The following WWOX variants were observed in gnomAD, a reference collection of about 807,000 sequenced individuals.
WWOX encodes WW domain-containing oxidoreductase.
Under a neutral mutation model 46.2 loss-of-function variants are expected in WWOX, and 69 were observed. That is an observed-to-expected ratio of 1.49 (90% confidence interval 1.23 to 1.82). The LOEUF (loss-of-function observed/expected upper bound fraction) is 1.82. WWOX is among the 40% of genes most tolerant of loss of function. The probability of loss-of-function intolerance (pLI) is 0.00; values close to 1 mark genes in which losing one functional copy is unlikely to be tolerated. For missense variants in WWOX, 919 were observed against 542.6 expected (o/e 1.69, Z -6.89); for synonymous variants, 359 against 202.6 (o/e 1.77, Z -6.56).
chr16:78,135,930 A>G (rs1228817148), intron 4 of WWOX, among the ~76,000 whole-genome samples: 2 of 152,176 alleles, frequency 1.3e-5, no homozygotes, highest in Non-Finnish European at 2.9e-5. Context: ...TGATTGTTTT[A>G]TAGATGCCTG....
chr16:78,413,709 T>C (rs75232857), intron 6 of WWOX, among the ~76,000 whole-genome samples: 8,328 of 151,710 alleles, frequency 0.055, 729 homozygotes, highest in African/African-American at 0.19. Flanking sequence ...TGACACTGAT[T>C]TGTTGGCTTG....
rs528278321 is a variant in WWOX, at chr16:78,765,862, G to C, written c.1056+333110G>C. Among the ~76,000 whole-genome samples, 17 of 152,342 alleles carry C rather than the reference G, an allele frequency of 1.1e-4. No individual in the cohort carries two copies. In the South Asian group the frequency reaches 2.5e-3, roughly 22 times the overall value. ...GGAGCCTAAGGGAACAGAGAGGACA[G>C]AGTGGGTGGCACAGGCATTGCGGAG... is the stretch of plus-strand genomic sequence containing the variant. On this transcript the variant is annotated intron_variant, in intron 8 of 8. Transcript: ENST00000566780.
At chr16:78,589,459 T>A (rs1424986484) in intron 8 of WWOX, among the ~76,000 whole-genome samples, 1 of 152,208 alleles carries the variant, frequency 6.6e-6, no homozygotes, top group Non-Finnish European at 1.5e-5. Flanking sequence ...TTTATGTGGC[T>A]GGCAGTTCTG....
intron 8 of WWOX, among the ~76,000 whole-genome samples, chr16:78,672,458 C>T (rs533673497): frequency 6.6e-6 from 1 of 152,250 alleles, no homozygotes; most frequent in South Asian, 2.1e-4. Flanking sequence ...GTGTGCACTC[C>T]TCATGTTCCG....
chr16:78,963,125 C>G lies in WWOX; in HGVS notation c.1057-248483C>G, dbSNP rs1230739527. 2.6e-5 allele frequency among the ~76,000 whole-genome samples: 4 copies of G among 152,128 alleles called. No homozygotes were observed. In the South Asian group the frequency reaches 6.2e-4, roughly 24 times the overall value. The stretch of plus-strand genomic sequence containing the variant: ...CATTTCCCTCTATTTGCATCTCTAT[C>G]CATTTACCATTCCTCTTGTCTATCC... On this transcript the variant is annotated intron_variant, in intron 8 of 8. Transcript: ENST00000566780.
At chr16:78,578,269 TA>T (rs2044946537) in intron 8 of WWOX, among the ~76,000 whole-genome samples, 2 of 30,062 alleles carry the variant, frequency 6.7e-5, no homozygotes, top group African/African-American at 1.1e-4. Flanking sequence ...TATATATATA[TA>T]TATATATATA....
chr16:78,574,880 A>G (rs2044810792), intron 8 of WWOX, among the ~76,000 whole-genome samples: 1 of 148,850 alleles, frequency 6.7e-6, no homozygotes, highest in African/African-American at 2.5e-5. Flanking sequence ...GATCTAATGT[A>G]CAGCATGAGT....
At position 78,499,955 on chromosome 16, in the gene WWOX, G is replaced by C. The variant is rs114585260; in HGVS notation, c.1056+67203G>C. Reference sequence around the variant, plus strand: ...AGTACCAAATGGTCCTTACCGTTCTGAGGCCTCACTGAGACTCATTTTGAA... The same window carrying C: ...AGTACCAAATGGTCCTTACCGTTCTCAGGCCTCACTGAGACTCATTTTGAA... On this transcript the variant is annotated intron_variant, in intron 8 of 8. Coordinates refer to ENST00000566780, the MANE Select transcript of WWOX (RefSeq NM_016373.4). Among the ~76,000 whole-genome samples the C allele has an allele frequency of 4.0e-3, 604 of 152,268 alleles. 2 individuals carry two copies. The highest frequency in any genetic ancestry group is 0.014 in the African/African-American group (589 of 41,540).
At chr16:78,402,565 C>A (rs760688196) in intron 6 of WWOX, among the ~76,000 whole-genome samples, 1 of 152,234 alleles carries the variant, frequency 6.6e-6, no homozygotes, top group South Asian at 2.1e-4. Flanking sequence ...TCAACACCAA[C>A]CCCCTTTCTG....
intron 8 of WWOX, among the ~76,000 whole-genome samples, chr16:78,712,981 A>G (rs141191052): frequency 8.2e-4 from 125 of 152,202 alleles, no homozygotes; most frequent in Middle Eastern, 3.4e-3. Flanking sequence ...AGAAATAGCT[A>G]GTATCAGGCC....
At chr16:78,957,014 T>A (rs2151307824) in intron 8 of WWOX, among the ~76,000 whole-genome samples, 1 of 152,060 alleles carries the variant, frequency 6.6e-6, no homozygotes, top group East Asian at 1.9e-4. Flanking sequence ...GGACTCCGTG[T>A]GTTATTCACA....
intron 8 of WWOX, among the ~76,000 whole-genome samples, chr16:78,657,536 A>C (rs2047109271): frequency 6.6e-6 from 1 of 152,236 alleles, no homozygotes; most frequent in Non-Finnish European, 1.5e-5. Flanking sequence ...CCCAGAGTCT[A>C]ACCCCTCCTC....
At chr16:78,793,373 T>G (rs1034951985) in intron 8 of WWOX, among the ~76,000 whole-genome samples, 3 of 152,186 alleles carry the variant, frequency 2.0e-5, no homozygotes, top group Non-Finnish European at 4.4e-5. Context: ...TGCCTCTGTT[T>G]AAATGCTCAA....
At chr16:79,142,034 A>T (rs866240076) in intron 8 of WWOX, among the ~76,000 whole-genome samples, 1 of 152,210 alleles carries the variant, frequency 6.6e-6, no homozygotes, top group Admixed American at 6.5e-5. Flanking sequence ...GATGGGGCCC[A>T]GTTAAGAGGT....
At chr16:78,753,264 C>T (rs1159394649) in intron 8 of WWOX, among the ~76,000 whole-genome samples, 1 of 152,068 alleles carries the variant, frequency 6.6e-6, no homozygotes, top group Non-Finnish European at 1.5e-5. Flanking sequence ...TACACCACTA[C>T]CCTCCAGCCT....
At chr16:79,118,412 TATA>T (rs1050942141) in intron 8 of WWOX, among the ~76,000 whole-genome samples, 2 of 152,198 alleles carry the variant, frequency 1.3e-5, no homozygotes, top group South Asian at 2.1e-4. Flanking sequence ...CCAAAACTGA[TATA>T]ATAATAATTT....
chr16:78,179,894 T>G (rs2035474365), intron 5 of WWOX: 1 of 152,210 alleles, frequency 6.6e-6, no homozygotes, highest in Non-Finnish European at 1.5e-5. Flanking sequence ...AAATATTTAC[T>G]GAGTGAGTGA....
intron 8 of WWOX, among the ~76,000 whole-genome samples, chr16:79,175,359 T>G (rs921035693): frequency 6.6e-6 from 1 of 152,186 alleles, no homozygotes; most frequent in Non-Finnish European, 1.5e-5. Flanking sequence ...ATCTAAGACT[T>G]CTGGGTGTGG....
chr16:78,321,889 C>T (rs1019005726), intron 5 of WWOX, among the ~76,000 whole-genome samples: 2 of 152,054 alleles, frequency 1.3e-5, no homozygotes, highest in Admixed American at 6.6e-5. Context: ...TAGTGACATG[C>T]GCTCTTCCCA....
Sources: allele counts gnomAD v4.1 joint callset (sites outside exome capture counted in the v4.1 genomes callset), GRCh38; gene constraint gnomAD v4.1.1; transcripts MANE v1.5; gene names NCBI Gene and HGNC (gene_info 2026-07-23, HGNC 2026-07-21).